Variants in C1QTNF3 observed in about 807,000 individuals in gnomAD.
The protein encoded by C1QTNF3 is C1q and TNF related 3.
A neutral mutation model predicts 32.6 loss-of-function variants in C1QTNF3; 26 were observed. The ratio of observed to expected loss-of-function variants is 0.80; its 90% CI spans 0.58 to 1.11. The LOEUF is 1.11. C1QTNF3 is among the 50% of genes least tolerant of loss of function. The pLI, the probability that C1QTNF3 is intolerant of heterozygous loss-of-function variation, is 0.00. For missense variants in C1QTNF3, 362 were observed against 398.2 expected, an observed-to-expected ratio of 0.91 and a Z score of 0.77; for synonymous variants, 155 against 146.0, an observed-to-expected ratio of 1.06 and a Z score of -0.44.
the C1QTNF3 span, among the ~76,000 whole-genome samples, chr5:34,205,147 T>C: frequency 6.7e-6 from 1 of 148,872 alleles, no homozygotes; most frequent in Non-Finnish European, 1.5e-5. Flanking sequence ...AGGTTATCAA[T>C]TCTGGTACAG....
At chr5:34,066,009 A>G in the C1QTNF3 span, among the ~76,000 whole-genome samples, 1 of 152,232 alleles carries the variant, frequency 6.6e-6, no homozygotes, top group Non-Finnish European at 1.5e-5. Context: ...ATAAAAAAAG[A>G]ATGAAATACA....
chr5:34,041,014 C>T (rs901945456), intron 1 of C1QTNF3, among the ~76,000 whole-genome samples: 1 of 152,126 alleles, frequency 6.6e-6, no homozygotes. Flanking sequence ...ATGGTTTGGA[C>T]ATGGGAGCTC....
At chr5:34,172,079 C>T in the C1QTNF3 span, among the ~76,000 whole-genome samples, 2 of 152,082 alleles carry the variant, frequency 1.3e-5, no homozygotes, top group Non-Finnish European at 2.9e-5. Context: ...CAAAAGAATG[C>T]CATTATGAAA....
the C1QTNF3 span, among the ~76,000 whole-genome samples, chr5:34,139,873 G>A: frequency 9.9e-5 from 15 of 152,238 alleles, no homozygotes; most frequent in Non-Finnish European, 1.8e-4. Flanking sequence ...TCTTATTTCT[G>A]GTCAGAAAAT....
the C1QTNF3 span, among the ~76,000 whole-genome samples, chr5:34,215,522 A>AT: frequency 6.6e-6 from 1 of 152,130 alleles, no homozygotes; most frequent in Non-Finnish European, 1.5e-5. Context: ...GCTGAACCCC[A>AT]TTTAGGTTTA....
At chr5:34,101,759 T>TTAGGCCAGCC in the C1QTNF3 span, among the ~76,000 whole-genome samples, 2 of 152,162 alleles carry the variant, frequency 1.3e-5, no homozygotes, top group African/African-American at 2.4e-5. Context: ...GTTTTATAGA[T>TTAGGCCAGCC]TAGGCCAGCC....
chr5:34,137,380 C>T, the C1QTNF3 span, among the ~76,000 whole-genome samples: 1 of 152,138 alleles, frequency 6.6e-6, no homozygotes. Context: ...TGTCGTCTTC[C>T]TTCAAATTCA....
chr5:34,095,794 G>A, the C1QTNF3 span, among the ~76,000 whole-genome samples: 2 of 151,962 alleles, frequency 1.3e-5, no homozygotes, highest in South Asian at 2.1e-4. Context: ...AGATATATAC[G>A]AATAAACACA....
chr5:34,150,389 ATCAACAGAATATACATTTTTT>A, the C1QTNF3 span, among the ~76,000 whole-genome samples: 1 of 97,498 alleles, frequency 1.0e-5, no homozygotes, highest in Non-Finnish European at 2.0e-5. Context: ...TCCACCCCAA[ATCAACAGAATATACATTTTTT>A]TCAGCACCAC....
chr5:34,019,111 G>C lies in C1QTNF3; in HGVS notation c.*1472C>G, dbSNP rs1754264035. On this transcript the variant is annotated 3_prime_UTR_variant, in exon 6 of 6. Coordinates refer to ENST00000382065, the MANE Select transcript of C1QTNF3 (RefSeq NM_181435.6). ...CCACTGCACTCCAGCCTGGGCAGCAGCGTGAAACTGTCTCAAAAAAAAAAA... is the reference window on the plus strand; with the variant it reads ...CCACTGCACTCCAGCCTGGGCAGCACCGTGAAACTGTCTCAAAAAAAAAAA... 6.8e-6 allele frequency among the ~76,000 whole-genome samples: 1 copy of C among 146,998 alleles called. No homozygotes were observed. The highest frequency in any genetic ancestry group is 2.4e-4 in the South Asian group (1 of 4,224).
At chr5:34,079,742 G>C in the C1QTNF3 span, among the ~76,000 whole-genome samples, 1 of 151,736 alleles carries the variant, frequency 6.6e-6, no homozygotes, top group Admixed American at 6.6e-5. Context: ...AATCATAGAA[G>C]CAGAGAGTAA....
chr5:34,084,987 T>TTTTA, the C1QTNF3 span, among the ~76,000 whole-genome samples: 6 of 26,420 alleles, frequency 2.3e-4, no homozygotes, highest in African/African-American at 9.1e-4. Flanking sequence ...CGTTTAAGTC[T>TTTTA]TTTTTTTTTT....
chr5:34,060,999 C>T, the C1QTNF3 span, among the ~76,000 whole-genome samples: 12 of 152,294 alleles, frequency 7.9e-5, no homozygotes, highest in African/African-American at 2.6e-4. Context: ...TCCCTTCTGC[C>T]TGTGAGCCTG....
At chr5:34,081,227 T>C in the C1QTNF3 span, among the ~76,000 whole-genome samples, 4 of 151,680 alleles carry the variant, frequency 2.6e-5, no homozygotes, top group Non-Finnish European at 5.9e-5. Flanking sequence ...TTTATGACTA[T>C]AAAAAAATGA....
the C1QTNF3 span, among the ~76,000 whole-genome samples, chr5:34,155,965 TTC>T: frequency 3.9e-4 from 59 of 152,334 alleles, no homozygotes; most frequent in African/African-American, 1.4e-3. Flanking sequence ...GACTTTTAAT[TTC>T]TCTGACATTT....
chr5:34,065,401 C>A, the C1QTNF3 span, among the ~76,000 whole-genome samples: 2 of 152,158 alleles, frequency 1.3e-5, no homozygotes, highest in Non-Finnish European at 2.9e-5. Context: ...CATGGTGGCT[C>A]ACATCTGTAA....
At chr5:34,062,977 T>C in the C1QTNF3 span, among the ~76,000 whole-genome samples, 1 of 152,142 alleles carries the variant, frequency 6.6e-6, no homozygotes, top group Non-Finnish European at 1.5e-5. Flanking sequence ...CTGCTACAGA[T>C]TGAATGCATT....
At chr5:34,173,012 A>G in the C1QTNF3 span, among the ~76,000 whole-genome samples, 1 of 152,148 alleles carries the variant, frequency 6.6e-6, no homozygotes, top group African/African-American at 2.4e-5. Context: ...TCAAGGGTGG[A>G]CTTTTAATCT....
rs189505322 is a variant in C1QTNF3, at chr5:34,020,152, C to T, written c.*431G>A. The T allele has an allele frequency of 2.2e-3, 354 of 160,526 alleles. 1 individual carries two copies. Among genetic ancestry groups the T allele is most frequent in the African/African-American group, 8.0e-3 (331 of 41,634 alleles). 9.9% of individuals were successfully genotyped at this position (160,526 alleles called of 1,614,324 possible). A position where few individuals can be genotyped will look rare whatever the true frequency, so the allele number is the denominator to read the frequency against. ...GCTAGTGCCCCTGTTCTTGCCCCAG[C>T]CCTGTCATATCACTACATCCGATTC... On this transcript the variant is annotated 3_prime_UTR_variant, in exon 6 of 6. Coordinates refer to ENST00000382065, the MANE Select transcript of C1QTNF3 (RefSeq NM_181435.6).
Sources: gnomAD v4.1 joint callset for allele counts (sites outside exome capture counted in the v4.1 genomes callset) on GRCh38, gnomAD v4.1.1 for gene constraint, MANE v1.5 for transcripts, NCBI Gene and HGNC (gene_info 2026-07-23, HGNC 2026-07-21) for gene names.